MERTK: variants seen among roughly 807,000 people sequenced by gnomAD.
MERTK encodes tyrosine-protein kinase Mer.
MERTK carries 69 observed loss-of-function variants against 99.3 expected under a neutral mutation model. That is an observed-to-expected ratio of 0.70 (90% CI 0.57 to 0.85). MERTK has a LOEUF of 0.85. Among genes scored for constraint, MERTK ranks in the 40% least tolerant of loss-of-function variants. The pLI is 0.00. For synonymous variants in MERTK, 426 were observed against 467.6 expected (o/e 0.91, Z 1.15); for missense variants, 1,125 against 1,249.4 (o/e 0.90, Z 1.50).
At chr2:112,027,290 G>A (rs955937565) in intron 18 of MERTK, among the ~76,000 whole-genome samples, 10 of 149,132 alleles carry the variant, frequency 6.7e-5, no homozygotes, top group Admixed American at 1.3e-4. Context: ...ATATATGTGT[G>A]TGTATATGTG....
At position 112,028,952 on chromosome 2, in the gene MERTK, C is replaced by T. The variant is rs956149668; in HGVS notation, c.*88C>T. The T allele has an allele frequency of 1.9e-6, 3 of 1,602,010 alleles. No individual in the cohort carries two copies. The highest frequency in any genetic ancestry group is 2.7e-5 in the African/African-American group (2 of 74,782). On this transcript the variant is annotated 3_prime_UTR_variant, in exon 19 of 19. Transcript: ENST00000295408. ...TGTACCTGATGTTTTTGGTATTTGT[C>T]TTCCTTACCAAGTGAACTCCATGGC... is the stretch of plus-strand genomic sequence containing the variant.
intron 7 of MERTK, among the ~76,000 whole-genome samples, chr2:111,980,493 A>G (rs1425069877): frequency 7.3e-6 from 1 of 136,636 alleles, no homozygotes; most frequent in Non-Finnish European, 1.5e-5. Flanking sequence ...ATCTCGGCTC[A>G]CTGCAAGCTC....
intron 6 of MERTK, among the ~76,000 whole-genome samples, chr2:111,973,772 C>T (rs1182041034): frequency 1.3e-5 from 2 of 152,180 alleles, no homozygotes; most frequent in Non-Finnish European, 2.9e-5. Context: ...TATCCCCATA[C>T]CCAGACAGGA....
intron 2 of MERTK, among the ~76,000 whole-genome samples, chr2:111,936,986 G>C (rs1237551025): frequency 6.6e-6 from 1 of 152,140 alleles, no homozygotes; most frequent in Admixed American, 6.5e-5. Context: ...GGGAAGCCCA[G>C]CTCCCAAGCA....
chr2:111,981,568 G>A (rs887458857), intron 7 of MERTK, among the ~76,000 whole-genome samples: 9 of 152,008 alleles, frequency 5.9e-5, no homozygotes, highest in Non-Finnish European at 1.2e-4. Context: ...CTATTATGCT[G>A]CAATGAATAT....
intron 4 of MERTK, among the ~76,000 whole-genome samples, chr2:111,956,413 T>C (rs1685149527): frequency 6.6e-6 from 1 of 152,216 alleles, no homozygotes; most frequent in African/African-American, 2.4e-5. Context: ...CTGTTAACAG[T>C]GGTGGGCTTG....
chr2:111,923,660 A>G (rs1317952655), intron 1 of MERTK, among the ~76,000 whole-genome samples: 2 of 152,216 alleles, frequency 1.3e-5, no homozygotes, highest in African/African-American at 4.8e-5. Flanking sequence ...ATTCCACCCA[A>G]ATTACAACCA....
At chr2:111,970,354 A>T (rs1437845772) in intron 6 of MERTK, among the ~76,000 whole-genome samples, 5 of 151,324 alleles carry the variant, frequency 3.3e-5, no homozygotes, top group Non-Finnish European at 7.4e-5. Flanking sequence ...ATGGGGTTTC[A>T]CCATGTTGAC....
In MERTK at chr2:112,022,358, A is replaced by G. The variant is rs747852819; in HGVS notation, c.2450A>G (p.His817Arg). ...ATGTATGACTATCTTCTCCATGGCC[A>G]CAGGTTGAAGCAGCCCGAAGACTGC... ...HEMYDYLLHGHRLKQPEDCLD... is the reference protein window; with the variant it reads ...HEMYDYLLHGRRLKQPEDCLD... Residue 817 changes from histidine (H) to arginine (R), a missense_variant, in exon 18 of 19, where the codon CAC becomes CGC. Coordinates refer to ENST00000295408, the MANE Select transcript of MERTK (RefSeq NM_006343.3). 6.2e-7 allele frequency: 1 copy of G among 1,614,110 alleles called. No individual in the cohort carries two copies. The highest frequency in any genetic ancestry group is 1.3e-5 in the African/African-American group (1 of 74,942).
chr2:111,956,181 A>T (rs1685145272), intron 4 of MERTK, among the ~76,000 whole-genome samples: 1 of 152,148 alleles, frequency 6.6e-6, no homozygotes, highest in African/African-American at 2.4e-5. Context: ...CTTTGCTGTC[A>T]TGTATCCCTG....
At chr2:111,968,434 A>G (rs2104725700) in intron 6 of MERTK, among the ~76,000 whole-genome samples, 182 bp downstream of exon 6, 1 of 152,176 alleles carries the variant, frequency 6.6e-6, no homozygotes, top group Middle Eastern at 3.4e-3. Flanking sequence ...TGCCCATGAT[A>G]CTGTGTCCTT....
chr2:112,028,276 T>TA, intron 18 of MERTK, 75 bp from the exon 19 acceptor site: 1 of 1,476,836 alleles, frequency 6.8e-7, no homozygotes, highest in Non-Finnish European at 9.5e-7. Flanking sequence ...AAAGATTCTG[T>TA]AAAAACAAAG....
At position 111,907,794 on chromosome 2, in the gene MERTK, A is replaced by G. The variant is rs899568295; in HGVS notation, c.61+8998A>G. 3.9e-5 allele frequency among the ~76,000 whole-genome samples: 6 copies of G among 152,372 alleles called. No homozygotes were observed. In the East Asian group the frequency reaches 9.6e-4, roughly 24 times the overall value. ...AATATTTTGTGATATAAACTGTAGA[A>G]TGCAACGCTCTTAAATATTCTGGCT... is the stretch of plus-strand genomic sequence containing the variant. On this transcript the variant is annotated intron_variant, in intron 1 of 18. Transcript: ENST00000295408.
intron 17 of MERTK, 149 bp downstream of exon 17, chr2:112,021,730 C>A: frequency 1.4e-6 from 1 of 727,648 alleles, no homozygotes; most frequent in South Asian, 1.6e-5. Flanking sequence ...ATCTTACCAT[C>A]AGATACTTTA....
intron 1 of MERTK, among the ~76,000 whole-genome samples, chr2:111,910,610 G>GTGTGTGTGTGTA (rs370882764): frequency 2.4e-3 from 341 of 143,656 alleles, no homozygotes; most frequent in African/African-American, 6.1e-3. Context: ...GTGTGTGTGT[G>GTGTGTGTGTGTA]TATATATATA....
intron 15 of MERTK, chr2:112,013,585 A>G (rs912350175): frequency 1.3e-5 from 2 of 154,386 alleles, no homozygotes; most frequent in African/African-American, 4.8e-5. Flanking sequence ...CAGTGGCACA[A>G]CAGCCCTAAA....
intron 1 of MERTK, among the ~76,000 whole-genome samples, chr2:111,904,891 C>T (rs1455321601): frequency 2.0e-5 from 3 of 152,218 alleles, no homozygotes; most frequent in Non-Finnish European, 2.9e-5. Flanking sequence ...AGCCAACCCT[C>T]AGGTGCCCGG....
rs1196991330 is a variant in MERTK, at chr2:111,975,431, C to T, written c.1103C>T (p.Ser368Phe). The change falls in exon 7 of 19, where the codon TCT (serine) becomes TTT (phenylalanine). Residue 368 changes from serine to phenylalanine, a missense_variant. Coordinates refer to ENST00000295408, the MANE Select transcript of MERTK (RefSeq NM_006343.3). ...TCCTGCATGAATGAAATAGGCTGGTCTGCAGTGAGCCCTTGGATTCTAGCC... is the reference window on the plus strand; with the variant it reads ...TCCTGCATGAATGAAATAGGCTGGTTTGCAGTGAGCCCTTGGATTCTAGCC... ...GVSCMNEIGW[S>F]AVSPWILAST... is the part of the protein sequence containing the mutation. 1.9e-6 allele frequency: 3 copies of T among 1,614,182 alleles called. No homozygotes were observed. The highest frequency in any genetic ancestry group is 2.5e-6 in the Non-Finnish European group (3 of 1,180,032).
intron 6 of MERTK, among the ~76,000 whole-genome samples, chr2:111,973,273 C>A (rs1197080802): frequency 1.3e-5 from 2 of 152,110 alleles, no homozygotes. Flanking sequence ...GTTTCCTCCA[C>A]CTTCGCTTTG....
Sources: allele counts gnomAD v4.1 joint callset (sites outside exome capture counted in the v4.1 genomes callset), GRCh38; gene constraint gnomAD v4.1.1; transcripts MANE v1.5; gene names NCBI Gene and HGNC (gene_info 2026-07-23, HGNC 2026-07-21).